Variants in FBN1 observed in about 807,000 individuals in gnomAD.
FBN1 encodes the protein fibrillin 1.
FBN1 carries 29 observed loss-of-function variants against 365.1 expected under a neutral mutation model. The ratio of observed to expected loss-of-function variants is 0.08; its 90% CI spans 0.06 to 0.11. FBN1 has a LOEUF of 0.11. Ranked by LOEUF, FBN1 falls within the 10% of genes least tolerant of loss-of-function variation. FBN1 has a pLI of 1.00. For synonymous variants in FBN1, 1,210 were observed against 1,270.5 expected (o/e 0.95, Z 1.01); for missense variants, 2,476 against 3,703.2 (o/e 0.67, Z 8.60).
intron 43 of FBN1, 72 bp from the exon 44 acceptor site, chr15:48,456,834 A>AAGTG: frequency 2.0e-6 from 2 of 988,254 alleles, no homozygotes; most frequent in Non-Finnish European, 1.4e-6. Context: ...ACAAGATGGA[A>AAGTG]AGTGCGTGCG....
rs2043776775 is a variant in FBN1 at position 48,513,488 on chromosome 15, T to G, written c.1588+61A>C. The G allele has an allele frequency of 1.9e-6, 3 of 1,612,798 alleles. No individual in the cohort carries two copies. The African/African-American group carries it at 4.0e-5, about 22-fold the overall frequency. On this transcript the variant is annotated intron_variant, in intron 13 of 65. Transcript: ENST00000316623. ...TTATTTAAACTCCATGGAACTCCTT[T>G]GAAGCCAACCCCCAGTTAGCATATA...
intron 31 of FBN1, among the ~76,000 whole-genome samples, chr15:48,483,255 G>A (rs2043479720): frequency 6.6e-6 from 1 of 152,158 alleles, no homozygotes; most frequent in Admixed American, 6.5e-5. Flanking sequence ...ACAGCTAGAG[G>A]AATGATTGAA....
At chr15:48,500,640 G>A (rs560254557) in intron 17 of FBN1, among the ~76,000 whole-genome samples, 1 of 152,296 alleles carries the variant, frequency 6.6e-6, no homozygotes, top group Admixed American at 6.5e-5. Flanking sequence ...CTAACTCCGC[G>A]TAGTGCCATG....
chr15:48,449,753 T>A (rs1597535850), intron 45 of FBN1, among the ~76,000 whole-genome samples: 1 of 152,162 alleles, frequency 6.6e-6, no homozygotes, highest in Non-Finnish European at 1.5e-5. Flanking sequence ...AGAAAGCAAA[T>A]GGAGTGTCAT....
intron 42 of FBN1, among the ~76,000 whole-genome samples, chr15:48,461,107 C>A (rs1026144355): frequency 6.6e-6 from 1 of 152,124 alleles, no homozygotes; most frequent in African/African-American, 2.4e-5. Flanking sequence ...AATCAAAATA[C>A]AGCATGTTAT....
intron 2 of FBN1, among the ~76,000 whole-genome samples, chr15:48,639,719 C>G (rs1890165935): frequency 1.3e-5 from 2 of 152,152 alleles, no homozygotes; most frequent in South Asian, 4.1e-4. Context: ...AGTTAGGCCA[C>G]ATAACTCAGG....
Position 48,481,680 on chromosome 15 carries a change from G to A in FBN1, c.3939C>T (p.Gly1313=). 1 of 1,612,282 alleles carries A rather than the reference G, an allele frequency of 6.2e-7. No individual in the cohort carries two copies. Among genetic ancestry groups the A allele is most frequent in the African/African-American group, 1.3e-5 (1 of 74,666 alleles). ...CTGTACAGCCAGTTTTTCCTTTTTT[G>A]CCGGAGTAGCCCATATCACAGTGGC... ...FICHCDMGYS[G]KKGKTGCTDI... Residue 1313 remains glycine, a synonymous_variant, in exon 32 of 66, where the codon GGC becomes GGT. Coordinates refer to ENST00000316623, the MANE Select transcript of FBN1 (RefSeq NM_000138.5).
intron 6 of FBN1, among the ~76,000 whole-genome samples, chr15:48,566,962 G>A (rs879725776): frequency 5.9e-5 from 9 of 152,176 alleles, no homozygotes; most frequent in Non-Finnish European, 8.8e-5. Context: ...AGCAGCAGCC[G>A]CATCACCATC....
At chr15:48,515,590 T>A (rs756374984) in intron 11 of FBN1, 63 bp from the exon 12 acceptor site, 1 of 1,590,444 alleles carries the variant, frequency 6.3e-7, no homozygotes, top group Non-Finnish European at 8.6e-7. Flanking sequence ...CAGTACTTAA[T>A]CTGACAATAA....
chr15:48,643,714 G>A (rs1890239116), intron 2 of FBN1: 1 of 152,044 alleles, frequency 6.6e-6, no homozygotes, highest in African/African-American at 2.4e-5. Context: ...TTATTTAACA[G>A]GCTCCTCCAA....
chr15:48,582,791 G>C (rs2044405827), intron 6 of FBN1, among the ~76,000 whole-genome samples: 1 of 152,130 alleles, frequency 6.6e-6, no homozygotes, highest in Admixed American at 6.5e-5. Flanking sequence ...GGGAAAGCTA[G>C]GGATCAGAGT....
chr15:48,607,621 T>C (rs2044624664), intron 4 of FBN1, among the ~76,000 whole-genome samples: 1 of 151,856 alleles, frequency 6.6e-6, no homozygotes, highest in African/African-American at 2.4e-5. Context: ...TCACCAGACA[T>C]GTAATCTGCT....
At chr15:48,529,612 T>C (rs893684226) in intron 8 of FBN1, 2 of 152,164 alleles carry the variant, frequency 1.3e-5, no homozygotes, top group African/African-American at 4.8e-5. Flanking sequence ...CCTGACTGCC[T>C]AGATACTAAT....
chr15:48,605,588 A>C (rs546442148), intron 4 of FBN1, among the ~76,000 whole-genome samples: 1 of 152,362 alleles, frequency 6.6e-6, no homozygotes, highest in South Asian at 2.1e-4. Flanking sequence ...TCTGGGCAAA[A>C]GAGGCCAGGC....
Position 48,427,758 on chromosome 15 carries a change from T to G in FBN1, c.7013A>C (p.Tyr2338Ser). ...GTTTTGTAGCACCTCTGTGAAGCAG[T>G]ACCCTTCCCGATTGTCTGGAAGGGA... is the stretch of plus-strand genomic sequence containing the variant. ...QDECLDNREG[Y>S]CFTEVLQNMC... The change falls in exon 58 of 66, where the codon TAC (tyrosine) becomes TCC (serine). Residue 2338 changes from tyrosine (Y) to serine (S), a missense_variant. By Grantham distance (144) the Tyr-to-Ser change is moderately radical. Transcript: ENST00000316623. 1 of 1,613,948 alleles carries G rather than the reference T, an allele frequency of 6.2e-7. No homozygotes were observed. Among genetic ancestry groups the G allele is most frequent in the Non-Finnish European group, 8.5e-7 (1 of 1,179,922 alleles).
chr15:48,640,537 C>T (rs1256786723), intron 2 of FBN1, among the ~76,000 whole-genome samples: 1 of 152,200 alleles, frequency 6.6e-6, no homozygotes, highest in Non-Finnish European at 1.5e-5. Flanking sequence ...CAGACTTCTA[C>T]ATAACTAATC....
intron 43 of FBN1, 79 bp from the exon 44 acceptor site, chr15:48,456,841 TGC>T: frequency 6.2e-6 from 8 of 1,297,958 alleles, no homozygotes; most frequent in South Asian, 1.2e-5. Flanking sequence ...GGAAAGTGCG[TGC>T]GTGTGTGTGT....
chr15:48,467,902 G>A, intron 38 of FBN1, 36 bp downstream of exon 38: 2 of 1,582,920 alleles, frequency 1.3e-6, no homozygotes, highest in Non-Finnish European at 1.7e-6. Flanking sequence ...ACTGGCTGGA[G>A]TTGAAATAAT....
intron 6 of FBN1, among the ~76,000 whole-genome samples, chr15:48,545,432 G>A (rs992817358): frequency 3.9e-5 from 6 of 152,066 alleles, no homozygotes; most frequent in African/African-American, 1.4e-4. Context: ...GAGGGTGAAG[G>A]CATATGTTGG....
Sources: allele counts gnomAD v4.1 joint callset (sites outside exome capture counted in the v4.1 genomes callset), GRCh38; gene constraint gnomAD v4.1.1; transcripts MANE v1.5; gene names NCBI Gene and HGNC (gene_info 2026-07-23, HGNC 2026-07-21).